Variants in SNED1 observed in about 807,000 individuals in gnomAD.
The protein encoded by SNED1 is sushi, nidogen and EGF-like domain-containing protein 1.
SNED1 carries 81 observed loss-of-function variants against 166.7 expected under a neutral mutation model. The observed-to-expected ratio is 0.49, with a 90% confidence interval of 0.41 to 0.58. The LOEUF (loss-of-function observed/expected upper bound fraction) is 0.58, where lower values mean the gene tolerates loss of function less well. Ranked by LOEUF, SNED1 falls within the 20% of genes least tolerant of loss-of-function variation. The pLI is 0.00. For synonymous variants in SNED1, 762 were observed against 822.0 expected (o/e 0.93, Z 1.25); for missense variants, 1,604 against 2,000.2 (o/e 0.80, Z 3.78).
rs1319945116 is a variant in SNED1, at chr2:241,064,406, C to A, written c.2599+281C>A. Among the ~76,000 whole-genome samples, 1 of 152,198 alleles carries A rather than the reference C, an allele frequency of 6.6e-6. No individual in the cohort carries two copies. The highest frequency in any genetic ancestry group is 1.5e-5 in the Non-Finnish European group (1 of 68,016). On this transcript the variant is annotated intron_variant, in intron 19 of 31. Transcript: ENST00000310397. The surrounding 1 kb of genome is among the most constrained non-coding windows in gnomAD (Gnocchi z 7.0). ...ACCCAGGGGTGGGGCCTCACGTCCACACATAGGCCCTGCTGCCCTTGGACA... is the reference window on the plus strand; with the variant it reads ...ACCCAGGGGTGGGGCCTCACGTCCAAACATAGGCCCTGCTGCCCTTGGACA...
chr2:241,067,290 C>T (rs1247887458), intron 21 of SNED1, among the ~76,000 whole-genome samples: 5 of 152,348 alleles, frequency 3.3e-5, no homozygotes, highest in South Asian at 2.1e-4. Flanking sequence ...GGGCGGGAAG[C>T]GGAGCTCACA....
intron 30 of SNED1, 33 bp downstream of exon 30, chr2:241,087,508 T>C (rs1488861439): frequency 6.3e-7 from 1 of 1,577,938 alleles, no homozygotes; most frequent in Admixed American, 1.8e-5. Context: ...TGCCGTGTCC[T>C]GCATGTAGCC....
At chr2:241,070,688 C>T (rs62187370) in intron 24 of SNED1, among the ~76,000 whole-genome samples, 25,757 of 152,190 alleles carry the variant, frequency 0.17, 2,228 homozygotes, top group East Asian at 0.28. Flanking sequence ...GACAGATGCT[C>T]CGAAGGGCTC....
rs1273625035 is a variant in SNED1 at position 241,034,769 on chromosome 2, T to C, written c.805+39T>C. 3.3e-6 allele frequency: 5 copies of C among 1,495,236 alleles called. No individual in the cohort carries two copies. The South Asian group carries it at 5.2e-5, about 16-fold the overall frequency. The allele number at this position is 1,495,236 out of a possible 1,614,324, so 92.6% of individuals were successfully genotyped here. ...GGAGCAGCTTGGGGTGGGAGCGGGC[T>C]GAGGAAGGGGGTTGATGGCAGAGGA... On this transcript the variant is annotated intron_variant, in intron 4 of 31. Coordinates refer to ENST00000310397, the MANE Select transcript of SNED1 (RefSeq NM_001080437.3).
chr2:241,050,326 C>T (rs1559265127), intron 12 of SNED1, among the ~76,000 whole-genome samples: 1 of 152,214 alleles, frequency 6.6e-6, no homozygotes, highest in Non-Finnish European at 1.5e-5. Flanking sequence ...AAGTGTCCTT[C>T]TGTAAGCACA....
At chr2:241,050,981 C>A (rs956483898) in intron 12 of SNED1, among the ~76,000 whole-genome samples, 3 of 152,242 alleles carry the variant, frequency 2.0e-5, no homozygotes, top group Admixed American at 6.5e-5. Context: ...CCAATGTGGA[C>A]ACCTCTGACC....
Position 241,051,590 on chromosome 2 carries a change from G to C in SNED1, c.1736-154G>C, listed in dbSNP as rs2061841975. On this transcript the variant is annotated intron_variant, in intron 12 of 31. Transcript: ENST00000310397. This position sits in a 1 kb window ranked among gnomAD's most constrained non-coding sequence, Gnocchi z 4.7. ...CCACCCCAGCCCCCACCATGTGTGC[G>C]GACCTGCTTGGCCCCTGCTGCAGCC... 3.5e-6 allele frequency: 2 copies of C among 564,520 alleles called. No homozygotes were observed. The highest frequency in any genetic ancestry group is 6.1e-6 in the Non-Finnish European group (2 of 328,468). The allele number at this position is 564,520 out of a possible 1,614,324, so 35.0% of individuals were successfully genotyped here.
chr2:241,035,898 T>G (rs1574947082), intron 4 of SNED1, among the ~76,000 whole-genome samples: 5 of 43,542 alleles, frequency 1.1e-4, no homozygotes, highest in African/African-American at 9.8e-5. Context: ...TGCCATGGGG[T>G]GGGGGGTGCA....
Position 241,073,854 on chromosome 2 carries a change from T to C in SNED1, c.3916+490T>C. Reference sequence around the variant, plus strand: ...CCTGAACTGTCTCCTAGTCCGGGGCTCTGCCTCGTGAGGATCGAGGCCAGC... The same window carrying C: ...CCTGAACTGTCTCCTAGTCCGGGGCCCTGCCTCGTGAGGATCGAGGCCAGC... On this transcript the variant is annotated intron_variant, in intron 27 of 31. Transcript: ENST00000310397. The surrounding 1 kb of genome is among the most constrained non-coding windows in gnomAD (Gnocchi z 6.6). The C allele has an allele frequency of 5.2e-6, 1 of 191,566 alleles. No homozygotes were observed. The allele number at this position is 191,566 out of a possible 1,614,324, so 11.9% of individuals were successfully genotyped here.
At chr2:241,033,957 G>A in intron 3 of SNED1, 82 bp downstream of exon 3, 3 of 1,481,376 alleles carry the variant, frequency 2.0e-6, no homozygotes, top group Middle Eastern at 4.1e-4. Context: ...GAGGTAGGCA[G>A]GGGCTCACCA....
At position 241,033,730 on chromosome 2, in the gene SNED1, G is replaced by A. The variant is rs374398932; in HGVS notation, c.502-5G>A. The A allele has an allele frequency of 1.7e-5, 28 of 1,609,866 alleles. No homozygotes were observed. The highest frequency in any genetic ancestry group is 2.7e-5 in the African/African-American group (2 of 74,858). ...GGGCCCTGTTCAGCCCCCTCTCCCC[G>A]GCAGGTCAACACATTCCAGACTGTG... On this transcript the variant is annotated splice_polypyrimidine_tract_variant and splice_region_variant and intron_variant, in intron 2 of 31. Coordinates refer to ENST00000310397, the MANE Select transcript of SNED1 (RefSeq NM_001080437.3).
At position 241,068,005 on chromosome 2, in the gene SNED1, G is replaced by T; in HGVS notation, c.3194+58G>T. Reference sequence around the variant, plus strand: ...GTGAAGGCAGGGGTGGGGGCTCGGGGACACGGGGCCCAGGTCTCGGGCACA... The same window carrying T: ...GTGAAGGCAGGGGTGGGGGCTCGGGTACACGGGGCCCAGGTCTCGGGCACA... On this transcript the variant is annotated intron_variant, in intron 22 of 31. Coordinates refer to ENST00000310397, the MANE Select transcript of SNED1 (RefSeq NM_001080437.3). This position sits in a 1 kb window ranked among gnomAD's most constrained non-coding sequence, Gnocchi z 5.3. The T allele has an allele frequency of 6.8e-7, 1 of 1,475,770 alleles. No homozygotes were observed. The highest frequency in any genetic ancestry group is 9.3e-7 in the Non-Finnish European group (1 of 1,074,088). The allele number at this position is 1,475,770 out of a possible 1,614,324, so 91.4% of individuals were successfully genotyped here. A position where few individuals can be genotyped will look rare whatever the true frequency, so the allele number is the denominator to read the frequency against.
At chr2:241,087,582 C>T (rs537512737) in intron 30 of SNED1, 107 bp downstream of exon 30, 22 of 1,458,438 alleles carry the variant, frequency 1.5e-5, no homozygotes, top group Admixed American at 1.4e-4. Flanking sequence ...CTGAGCCAGG[C>T]GGTCTACTCG....
chr2:241,089,148 T>C (rs2063747225), intron 31 of SNED1: 4 of 700,604 alleles, frequency 5.7e-6, no homozygotes, highest in African/African-American at 1.8e-5. Flanking sequence ...GGATATACCA[T>C]AGAAAGCCAT....
intron 24 of SNED1, among the ~76,000 whole-genome samples, chr2:241,070,890 C>T (rs539341387): frequency 6.6e-6 from 1 of 152,316 alleles, no homozygotes; most frequent in South Asian, 2.1e-4. Flanking sequence ...CGCGGCTCCC[C>T]AGGGAAGAGA....
intron 1 of SNED1, among the ~76,000 whole-genome samples, chr2:241,008,876 ACT>A (rs2060301614): frequency 6.6e-6 from 1 of 152,210 alleles, no homozygotes; most frequent in South Asian, 2.1e-4. Flanking sequence ...CCAGGATCAC[ACT>A]GTCCTCTGAG....
chr2:241,077,029 A>C (rs2063057979), intron 27 of SNED1, among the ~76,000 whole-genome samples: 1 of 151,338 alleles, frequency 6.6e-6, no homozygotes, highest in Non-Finnish European at 1.5e-5. Context: ...CAGTGAGCTG[A>C]GATTGCGCCA....
chr2:241,020,497 C>T (rs1302742680), intron 1 of SNED1, among the ~76,000 whole-genome samples: 2 of 152,226 alleles, frequency 1.3e-5, no homozygotes, highest in Non-Finnish European at 2.9e-5. Context: ...GTGAGCTTCC[C>T]CAAGGGGTAG....
rs768738014 is a variant in SNED1, at chr2:241,052,079, G to A, written c.1891G>A (p.Gly631Ser). ...DSCASGPCHN[G>S]GTCFHYIGKY... ...GTGTGCCTCTGGCCCCTGTCACAAC[G>A]GCGGCACCTGCTTCCACTACATTGG... Residue 631 changes from glycine (G) to serine (S), a missense_variant, in exon 14 of 32, where the codon GGC becomes AGC. Gly to Ser is a moderately conservative substitution (Grantham distance 56). Coordinates refer to ENST00000310397, the MANE Select transcript of SNED1 (RefSeq NM_001080437.3). The A allele has an allele frequency of 5.0e-6, 8 of 1,613,770 alleles. No homozygotes were observed. Among genetic ancestry groups the A allele is most frequent in the Non-Finnish European group, 6.8e-6 (8 of 1,179,856 alleles).
Sources: allele counts gnomAD v4.1 joint callset (sites outside exome capture counted in the v4.1 genomes callset), GRCh38; gene constraint gnomAD v4.1.1; non-coding constraint Gnocchi (gnomAD v3.1); transcripts MANE v1.5; gene names NCBI Gene and HGNC (gene_info 2026-07-23, HGNC 2026-07-21).